Variants in ADAMTS17 observed in about 807,000 individuals in gnomAD.
The protein encoded by ADAMTS17 is ADAM metallopeptidase with thrombospondin type 1 motif 17, also known as A disintegrin and metalloproteinase with thrombospondin motifs 17.
A neutral mutation model predicts 141.5 loss-of-function variants in ADAMTS17; 113 were observed. That is an observed-to-expected ratio of 0.80 (90% CI 0.69 to 0.93). The LOEUF (loss-of-function observed/expected upper bound fraction) is 0.93. Among genes scored for constraint, ADAMTS17 ranks in the 40% least tolerant of loss-of-function variants. The pLI is 0.00. For synonymous variants in ADAMTS17, 768 were observed against 630.6 expected (o/e 1.22, Z -3.27); for missense variants, 1,659 against 1,517.9 (o/e 1.09, Z -1.54).
chr15:100,232,322 C>A (rs943964681), intron 7 of ADAMTS17, among the ~76,000 whole-genome samples: 4 of 152,214 alleles, frequency 2.6e-5, no homozygotes, highest in Non-Finnish European at 5.9e-5. Flanking sequence ...CCTGCCAGCA[C>A]CTCCCCAACT....
chr15:99,982,108 T>C (rs2060492671), intron 20 of ADAMTS17, among the ~76,000 whole-genome samples: 1 of 152,250 alleles, frequency 6.6e-6, no homozygotes, highest in Non-Finnish European at 1.5e-5. Flanking sequence ...GTTTGTAGAA[T>C]TGTTTCCTGC....
rs531509641 is a variant in ADAMTS17 at position 100,323,005 on chromosome 15, T to G, written c.616+7884A>C. 2.7e-4 allele frequency among the ~76,000 whole-genome samples: 38 copies of G among 142,802 alleles called. No individual in the cohort carries two copies. In the South Asian group the frequency reaches 7.3e-3, roughly 28 times the overall value. The allele number at this position is 142,802 out of a possible 152,430, so 93.7% of individuals were successfully genotyped here. A position where few individuals can be genotyped will look rare whatever the true frequency, so the allele number is the denominator to read the frequency against. Reference sequence around the variant, plus strand: ...AGGAGGCTGAGGCAGGAGAATGGCATGGACCCGGGAGGCGGAGCTTGCAGT... The same window carrying G: ...AGGAGGCTGAGGCAGGAGAATGGCAGGGACCCGGGAGGCGGAGCTTGCAGT... On this transcript the variant is annotated intron_variant, in intron 3 of 21. Coordinates refer to ENST00000268070, the MANE Select transcript of ADAMTS17 (RefSeq NM_139057.4).
chr15:100,282,015 ATG>A (rs1266705244), intron 3 of ADAMTS17, among the ~76,000 whole-genome samples: 6 of 152,170 alleles, frequency 3.9e-5, no homozygotes, highest in African/African-American at 1.4e-4. Context: ...TTAGTAGTAG[ATG>A]TGTGAGTAAT....
At chr15:100,143,981 C>T (rs1008668001) in intron 10 of ADAMTS17, among the ~76,000 whole-genome samples, 1 of 152,232 alleles carries the variant, frequency 6.6e-6, no homozygotes, top group Non-Finnish European at 1.5e-5. Flanking sequence ...CACCCAGCAC[C>T]TGGTCATTCT....
chr15:100,161,028 A>G (rs1030002732), intron 8 of ADAMTS17, among the ~76,000 whole-genome samples: 2 of 152,248 alleles, frequency 1.3e-5, no homozygotes, highest in Non-Finnish European at 2.9e-5. Flanking sequence ...AAGTATGCCC[A>G]GTAATTTTAA....
chr15:100,058,036 C>T lies in ADAMTS17; in HGVS notation c.2138-3982G>A, dbSNP rs369863315. Reference sequence around the variant, plus strand: ...ACTATTACAGCTTCCTATAAATAGGCCCCAGATGTTTACCACCCAGCTGAG... The same window carrying T: ...ACTATTACAGCTTCCTATAAATAGGTCCCAGATGTTTACCACCCAGCTGAG... On this transcript the variant is annotated intron_variant, in intron 15 of 21. Transcript: ENST00000268070. 9.2e-5 allele frequency among the ~76,000 whole-genome samples: 14 copies of T among 151,954 alleles called. No homozygotes were observed. The East Asian group carries it at 9.7e-4, about 10-fold the overall frequency.
intron 7 of ADAMTS17, among the ~76,000 whole-genome samples, chr15:100,219,042 A>C (rs1241950196): frequency 6.6e-6 from 1 of 152,220 alleles, no homozygotes; most frequent in Non-Finnish European, 1.5e-5. Flanking sequence ...ATACAGGTTA[A>C]AGCGTAGATG....
chr15:99,989,113 C>G (rs2060645065), intron 20 of ADAMTS17, among the ~76,000 whole-genome samples: 1 of 152,218 alleles, frequency 6.6e-6, no homozygotes, highest in South Asian at 2.1e-4. Flanking sequence ...AGCCTGAGCA[C>G]TGAACTGGGT....
rs1480956 is a variant in ADAMTS17, at chr15:100,042,769, G to T, written c.2591+6088C>A. Among the ~76,000 whole-genome samples, 7 of 152,128 alleles carry T rather than the reference G, an allele frequency of 4.6e-5. No individual in the cohort carries two copies. The East Asian group carries it at 1.2e-3, about 25-fold the overall frequency. On this transcript the variant is annotated intron_variant, in intron 18 of 21. Transcript: ENST00000268070. ...TTCACGTCCTGGGCAGGACAGAGCGGGATGGTGTGAGATTTCATGACACTA... is the reference window on the plus strand; with the variant it reads ...TTCACGTCCTGGGCAGGACAGAGCGTGATGGTGTGAGATTTCATGACACTA...
At chr15:100,236,715 C>CT (rs1388920630) in intron 7 of ADAMTS17, among the ~76,000 whole-genome samples, 1 of 152,058 alleles carries the variant, frequency 6.6e-6, no homozygotes, top group Admixed American at 6.6e-5. Flanking sequence ...GTGCGTGCCT[C>CT]TTGTCCCAGC....
rs562265646 is a variant in ADAMTS17, at chr15:100,313,446, A to G, written c.616+17443T>C. On this transcript the variant is annotated intron_variant, in intron 3 of 21. Coordinates refer to ENST00000268070, the MANE Select transcript of ADAMTS17 (RefSeq NM_139057.4). ...ATATGCAAGCCTCCATGATGTTGCA[A>G]AAGTGTTTGGAAGATTTGATACCCA... is the stretch of plus-strand genomic sequence containing the variant. Among the ~76,000 whole-genome samples the G allele has an allele frequency of 5.3e-5, 8 of 152,368 alleles. No individual in the cohort carries two copies. The South Asian group carries it at 1.7e-3, about 32-fold the overall frequency.
chr15:100,335,444 G>A (rs1465986707), intron 2 of ADAMTS17, among the ~76,000 whole-genome samples: 1 of 152,006 alleles, frequency 6.6e-6, no homozygotes, highest in Admixed American at 6.5e-5. Context: ...TCCCTCCCCA[G>A]AGCCCCGCCC....
At chr15:100,235,164 G>T (rs932254622) in intron 7 of ADAMTS17, among the ~76,000 whole-genome samples, 4 of 152,140 alleles carry the variant, frequency 2.6e-5, no homozygotes, top group Admixed American at 6.5e-5. Flanking sequence ...GAAACGGAAG[G>T]GAGAAATGGC....
intron 7 of ADAMTS17, among the ~76,000 whole-genome samples, chr15:100,218,234 T>C (rs1016800022): frequency 1.1e-4 from 17 of 152,238 alleles, no homozygotes; most frequent in Admixed American, 1.3e-4. Flanking sequence ...ATGACAGATA[T>C]GCTAACTAGC....
chr15:100,019,404 A>G (rs191757916), intron 18 of ADAMTS17, among the ~76,000 whole-genome samples: 1 of 152,340 alleles, frequency 6.6e-6, no homozygotes, highest in East Asian at 1.9e-4. Context: ...AAGATTTGTT[A>G]AAACTGGGAA....
chr15:100,010,666 G>A (rs1368513969), intron 18 of ADAMTS17, among the ~76,000 whole-genome samples: 2 of 152,192 alleles, frequency 1.3e-5, no homozygotes, highest in African/African-American at 2.4e-5. Context: ...ACTCTGTTAC[G>A]AGAACAACCA....
At chr15:100,339,344 T>C (rs2046296812) in intron 2 of ADAMTS17, among the ~76,000 whole-genome samples, 1 of 152,202 alleles carries the variant, frequency 6.6e-6, no homozygotes, top group Non-Finnish European at 1.5e-5. Context: ...CCAAGAAGTA[T>C]AAACTCTGAC....
At chr15:100,129,047 G>A (rs1567222092) in intron 12 of ADAMTS17, 1 of 152,200 alleles carries the variant, frequency 6.6e-6, no homozygotes, top group Non-Finnish European at 1.5e-5. Context: ...TCTTGCAAAT[G>A]TTGCCCTCGC....
At chr15:100,162,924 ATAAC>A (rs1439669702) in intron 8 of ADAMTS17, among the ~76,000 whole-genome samples, 2 of 146,566 alleles carry the variant, frequency 1.4e-5, no homozygotes, top group Admixed American at 6.9e-5. Context: ...GTGTATATAT[ATAAC>A]TATATATGTA....
Sources: allele counts gnomAD v4.1 joint callset (sites outside exome capture counted in the v4.1 genomes callset), GRCh38; gene constraint gnomAD v4.1.1; transcripts MANE v1.5; gene names NCBI Gene and HGNC (gene_info 2026-07-23, HGNC 2026-07-21).